The following ADGRB3 variants were observed in gnomAD, a reference collection of about 807,000 sequenced individuals.
ADGRB3 encodes brain-specific angiogenesis inhibitor 3.
A neutral mutation model predicts 193.4 loss-of-function variants in ADGRB3; 37 were observed. That is an observed-to-expected ratio of 0.19 (90% CI 0.15 to 0.25). The LOEUF is 0.25. Among genes scored for constraint, ADGRB3 ranks in the 10% least tolerant of loss-of-function variants. The probability of loss-of-function intolerance (pLI) is 1.00; values close to 1 mark genes in which losing one functional copy is unlikely to be tolerated. For synonymous variants in ADGRB3, 690 were observed against 644.2 expected (o/e 1.07, Z -1.08); for missense variants, 1,637 against 1,852.9 (o/e 0.88, Z 2.14).
In ADGRB3 at chr6:69,325,067, T is replaced by C. The variant is rs771039176; in HGVS notation, c.2965+45T>C. 2.5e-6 allele frequency: 4 copies of C among 1,581,080 alleles called. No individual in the cohort carries two copies. The South Asian group carries it at 3.5e-5, about 14-fold the overall frequency. On this transcript the variant is annotated intron_variant, in intron 21 of 31. Transcript: ENST00000370598. ...GTTTCATGCTCTTCTCAAAATGACG[T>C]TGAACACACATTAGAAAGCAGTCAT...
intron 3 of ADGRB3, among the ~76,000 whole-genome samples, chr6:68,915,690 A>C (rs1296113525): frequency 6.6e-6 from 1 of 152,134 alleles, no homozygotes; most frequent in African/African-American, 2.4e-5. Context: ...ATCAGCAGAG[A>C]TCTAGTAAAA....
At chr6:69,306,053 G>T (rs1044052315) in intron 20 of ADGRB3, among the ~76,000 whole-genome samples, 4 of 151,434 alleles carry the variant, frequency 2.6e-5, no homozygotes, top group Non-Finnish European at 4.4e-5. Flanking sequence ...CAAATACTAT[G>T]CCATTTTATA....
At chr6:69,209,714 A>T (rs927453119) in intron 17 of ADGRB3, among the ~76,000 whole-genome samples, 1 of 152,322 alleles carries the variant, frequency 6.6e-6, no homozygotes, top group Non-Finnish European at 1.5e-5. Context: ...ATGGACATAA[A>T]TGGAGAAATA....
rs138984997 is a variant in ADGRB3 at position 69,167,960 on chromosome 6, G to A, written c.2481-65330G>A. On this transcript the variant is annotated intron_variant, in intron 17 of 31. Coordinates refer to ENST00000370598, the MANE Select transcript of ADGRB3 (RefSeq NM_001704.3). ...CCAGGAACAAAGAAATCTCTAAAAG[G>A]AAGTTTTATTTACAGTTACCTTGCA... Among the ~76,000 whole-genome samples, 292 of 152,210 alleles carry A rather than the reference G, an allele frequency of 1.9e-3. 3 individuals are homozygous for A. The highest frequency in any genetic ancestry group is 5.3e-3 in the African/African-American group (221 of 41,550).
chr6:69,131,016 T>G (rs969858158), intron 17 of ADGRB3, among the ~76,000 whole-genome samples: 6 of 152,034 alleles, frequency 3.9e-5, no homozygotes, highest in Non-Finnish European at 8.8e-5. Flanking sequence ...CAAATGAAAG[T>G]TAAGAACCAC....
chr6:68,904,845 A>C (rs763102316), intron 3 of ADGRB3, among the ~76,000 whole-genome samples: 13 of 152,164 alleles, frequency 8.5e-5, no homozygotes, highest in Non-Finnish European at 1.5e-4. Flanking sequence ...TCACAAAGGC[A>C]TTCCTTCAAT....
At chr6:69,052,045 C>T (rs1771412827) in intron 15 of ADGRB3, among the ~76,000 whole-genome samples, 1 of 152,266 alleles carries the variant, frequency 6.6e-6, no homozygotes, top group African/African-American at 2.4e-5. Flanking sequence ...CGCCCACCAC[C>T]ACGCCGGGCT....
At chr6:69,191,311 A>G (rs746770137) in intron 17 of ADGRB3, among the ~76,000 whole-genome samples, 2 of 152,152 alleles carry the variant, frequency 1.3e-5, no homozygotes, top group African/African-American at 2.4e-5. Flanking sequence ...GCCTTTTTCA[A>G]TACAAAAGGA....
chr6:68,920,211 A>T (rs1347795448), intron 3 of ADGRB3, among the ~76,000 whole-genome samples: 1 of 152,154 alleles, frequency 6.6e-6, no homozygotes, highest in Non-Finnish European at 1.5e-5. Flanking sequence ...CAAAGCTCCA[A>T]AGATAAAAAG....
chr6:69,261,107 C>G (rs1377167033), intron 20 of ADGRB3, among the ~76,000 whole-genome samples: 2 of 152,106 alleles, frequency 1.3e-5, no homozygotes, highest in Non-Finnish European at 2.9e-5. Context: ...TGCAGTTGCA[C>G]TATTGAATAG....
intron 3 of ADGRB3, among the ~76,000 whole-genome samples, chr6:68,838,430 C>CA (rs1320045590): frequency 4.6e-5 from 7 of 152,072 alleles, no homozygotes; most frequent in Non-Finnish European, 8.8e-5. Flanking sequence ...AACAAAGAAA[C>CA]AAAAAACAAA....
chr6:68,741,560 G>A (rs1765982582), intron 3 of ADGRB3, among the ~76,000 whole-genome samples: 1 of 151,986 alleles, frequency 6.6e-6, no homozygotes, highest in Non-Finnish European at 1.5e-5. Context: ...ATAAACTTTT[G>A]TAGTTTTTGC....
intron 20 of ADGRB3, among the ~76,000 whole-genome samples, chr6:69,319,307 A>G (rs1768391153): frequency 6.6e-6 from 1 of 151,216 alleles, no homozygotes; most frequent in South Asian, 2.1e-4. Flanking sequence ...TTCTAATTTT[A>G]TTAAATTGTG....
chr6:68,728,815 C>T (rs1765720564), intron 3 of ADGRB3, among the ~76,000 whole-genome samples: 1 of 151,426 alleles, frequency 6.6e-6, no homozygotes, highest in East Asian at 1.9e-4. Flanking sequence ...TCCAGGATCC[C>T]GGAACCTTGC....
At chr6:69,244,638 C>G (rs1923281) in intron 20 of ADGRB3, among the ~76,000 whole-genome samples, 5,417 of 152,140 alleles carry the variant, frequency 0.036, 110 homozygotes, top group Non-Finnish European at 0.042. Context: ...CTACATGCTT[C>G]TTTGGGAGAT....
intron 20 of ADGRB3, among the ~76,000 whole-genome samples, chr6:69,307,215 C>G (rs1561983068): frequency 6.6e-6 from 1 of 151,448 alleles, no homozygotes. Context: ...TAAAAATCTA[C>G]CTGATGTCAT....
At chr6:69,214,814 A>T (rs182107133) in intron 17 of ADGRB3, among the ~76,000 whole-genome samples, 1 of 152,014 alleles carries the variant, frequency 6.6e-6, no homozygotes, top group East Asian at 1.9e-4. Context: ...ACCTAATTTT[A>T]AAAAGCTCAA....
chr6:68,974,690 C>T (rs1768690224), intron 8 of ADGRB3, 73 bp from the exon 9 acceptor site: 1 of 1,152,464 alleles, frequency 8.7e-7, no homozygotes. Flanking sequence ...TAGAGAGGTG[C>T]CTTTGACAAT....
chr6:68,869,981 GT>G (rs1217029094), intron 3 of ADGRB3, among the ~76,000 whole-genome samples: 1 of 152,186 alleles, frequency 6.6e-6, no homozygotes, highest in African/African-American at 2.4e-5. Context: ...ATTTCACCAT[GT>G]TGGCTAGACT....
Sources: gnomAD v4.1 joint callset for allele counts (sites outside exome capture counted in the v4.1 genomes callset) on GRCh38, gnomAD v4.1.1 for gene constraint, MANE v1.5 for transcripts, NCBI Gene and HGNC (gene_info 2026-07-23, HGNC 2026-07-21) for gene names.